RASAL2: variants seen among roughly 807,000 people sequenced by gnomAD.
The protein encoded by RASAL2 is ras GTPase-activating protein nGAP.
A neutral mutation model predicts 128.9 loss-of-function variants in RASAL2; 58 were observed. That is an observed-to-expected ratio of 0.45 (90% CI 0.36 to 0.56). RASAL2 has a LOEUF of 0.56. Among genes scored for constraint, RASAL2 ranks in the 20% least tolerant of loss-of-function variants. The pLI is 0.00. For synonymous variants in RASAL2, 561 were observed against 580.8 expected, an observed-to-expected ratio of 0.97 and a Z score of 0.49; for missense variants, 1,360 against 1,601.6, an observed-to-expected ratio of 0.85 and a Z score of 2.57.
At chr1:178,365,419 C>A (rs1671344541) in intron 3 of RASAL2, among the ~76,000 whole-genome samples, 1 of 150,180 alleles carries the variant, frequency 6.7e-6, no homozygotes, top group Non-Finnish European at 1.5e-5. Context: ...GGTATCTATC[C>A]TCTAGTTGCC....
chr1:178,382,007 A>C (rs549591787), intron 3 of RASAL2, among the ~76,000 whole-genome samples: 22 of 152,330 alleles, frequency 1.4e-4, no homozygotes, highest in Non-Finnish European at 1.9e-4. Flanking sequence ...TAGTCATTTT[A>C]TGCTGAACAA....
At chr1:178,368,655 A>G (rs1671538068) in intron 3 of RASAL2, among the ~76,000 whole-genome samples, 1 of 150,358 alleles carries the variant, frequency 6.7e-6, no homozygotes, top group Non-Finnish European at 1.5e-5. Flanking sequence ...TTTTCTCCTT[A>G]GAAACAGGGT....
At chr1:178,103,310 A>G (rs1190605398) in intron 1 of RASAL2, among the ~76,000 whole-genome samples, 1 of 152,068 alleles carries the variant, frequency 6.6e-6, no homozygotes, top group Non-Finnish European at 1.5e-5. Flanking sequence ...TTATTCCCCA[A>G]GTTTTGCTAG....
At chr1:178,385,853 C>A (rs866007007) in intron 3 of RASAL2, among the ~76,000 whole-genome samples, 2 of 152,198 alleles carry the variant, frequency 1.3e-5, no homozygotes, top group Admixed American at 6.5e-5. Context: ...TAGTCTTCTT[C>A]CCTGTTAAAC....
chr1:178,390,830 G>A (rs1289065261), intron 4 of RASAL2, among the ~76,000 whole-genome samples: 1 of 151,118 alleles, frequency 6.6e-6, no homozygotes, highest in African/African-American at 2.4e-5. Context: ...CAAGTTGCTA[G>A]CAAAAACCTA....
rs145395347 is a variant in RASAL2 at position 178,141,405 on chromosome 1, A to G, written c.202+46711A>G. Among the ~76,000 whole-genome samples, 934 of 151,848 alleles carry G rather than the reference A, an allele frequency of 6.2e-3. 14 individuals are homozygous for G. Among genetic ancestry groups the G allele is most frequent in the African/African-American group, 0.021 (875 of 41,406 alleles). ...TGTTTTTAGACTAATTGGTATTTTA[A>G]TGAGCTCTCTTTACTACCTGATTGG... On this transcript the variant is annotated intron_variant, in intron 1 of 17. Coordinates refer to ENST00000367649, the MANE Select transcript of RASAL2 (RefSeq NM_170692.4).
intron 1 of RASAL2, among the ~76,000 whole-genome samples, chr1:178,108,572 A>G (rs1659183964): frequency 1.3e-5 from 2 of 152,216 alleles, no homozygotes; most frequent in African/African-American, 2.4e-5. Context: ...CTTGTCCAAC[A>G]TTATACAGAA....
intron 3 of RASAL2, among the ~76,000 whole-genome samples, chr1:178,328,517 A>G (rs983921631): frequency 6.6e-6 from 1 of 152,306 alleles, no homozygotes; most frequent in East Asian, 1.9e-4. Context: ...CTTATTTCTT[A>G]GTATCACCAA....
chr1:178,314,106 C>T (rs987228865), intron 3 of RASAL2, among the ~76,000 whole-genome samples: 1 of 151,974 alleles, frequency 6.6e-6, no homozygotes, highest in African/African-American at 2.4e-5. Context: ...ATATTTCTGC[C>T]GATGAATTCA....
chr1:178,147,595 C>T (rs1028895536), intron 1 of RASAL2, among the ~76,000 whole-genome samples: 2 of 152,078 alleles, frequency 1.3e-5, no homozygotes, highest in African/African-American at 4.8e-5. Flanking sequence ...CACAGGCTCC[C>T]TTTGGCAAAT....
At chr1:178,319,555 T>C (rs1048126904) in intron 3 of RASAL2, among the ~76,000 whole-genome samples, 16 of 148,902 alleles carry the variant, frequency 1.1e-4, no homozygotes, top group South Asian at 2.1e-4. Context: ...CATCTTCCAT[T>C]GCTGATACCC....
At chr1:178,377,715 T>C (rs1354053038) in intron 3 of RASAL2, among the ~76,000 whole-genome samples, 2 of 152,064 alleles carry the variant, frequency 1.3e-5, no homozygotes, top group Non-Finnish European at 2.9e-5. Flanking sequence ...AAAAACATCC[T>C]GAGAATTCAT....
At chr1:178,162,362 A>G (rs1421556479) in intron 1 of RASAL2, among the ~76,000 whole-genome samples, 1 of 124,730 alleles carries the variant, frequency 8.0e-6, no homozygotes, top group African/African-American at 3.1e-5. Flanking sequence ...AATATATAAT[A>G]TACATATAAT....
intron 1 of RASAL2, among the ~76,000 whole-genome samples, chr1:178,100,985 T>TA (rs1480331638): frequency 2.0e-5 from 3 of 152,200 alleles, no homozygotes; most frequent in Non-Finnish European, 4.4e-5. Context: ...GGTAGAGGGA[T>TA]AATTGCTGTC....
intron 2 of RASAL2, among the ~76,000 whole-genome samples, chr1:178,285,099 C>CTTTATT (rs1223138650): frequency 8.1e-6 from 1 of 122,800 alleles, no homozygotes; most frequent in African/African-American, 3.1e-5. Flanking sequence ...GGCATTGCTA[C>CTTTATT]TTTCTTTTTT....
intron 2 of RASAL2, among the ~76,000 whole-genome samples, chr1:178,285,197 T>C (rs1053078249): frequency 7.2e-6 from 1 of 138,310 alleles, no homozygotes; most frequent in Non-Finnish European, 1.5e-5. Context: ...CTCGGCTCAC[T>C]GCAAGCTCCG....
chr1:178,301,688 C>T (rs1667772496), intron 3 of RASAL2, among the ~76,000 whole-genome samples: 1 of 152,154 alleles, frequency 6.6e-6, no homozygotes, highest in Non-Finnish European at 1.5e-5. Flanking sequence ...CCTCCTCAGC[C>T]TCCCAAAGTG....
At chr1:178,241,436 A>G (rs1165888893) in intron 1 of RASAL2, among the ~76,000 whole-genome samples, 3 of 152,154 alleles carry the variant, frequency 2.0e-5, no homozygotes, top group Non-Finnish European at 1.5e-5. Context: ...GTGAGGAGAA[A>G]TACTTTAGGG....
chr1:178,431,013 A>C (rs1675858406), intron 5 of RASAL2, among the ~76,000 whole-genome samples: 1 of 151,952 alleles, frequency 6.6e-6, no homozygotes. Context: ...TATTTCTGCA[A>C]TTTGGAAAAA....
Sources: gnomAD v4.1 joint callset for allele counts (sites outside exome capture counted in the v4.1 genomes callset) on GRCh38, gnomAD v4.1.1 for gene constraint, MANE v1.5 for transcripts, NCBI Gene and HGNC (gene_info 2026-07-23, HGNC 2026-07-21) for gene names.